The following IGSF21 variants were observed in gnomAD, a reference collection of about 807,000 sequenced individuals.
IGSF21 encodes the protein immunoglobin superfamily member 21, also known as immunoglobulin superfamily member 21.
IGSF21 carries 28 observed loss-of-function variants against 46.8 expected under a neutral mutation model. The observed-to-expected ratio is 0.60, with a 90% CI of 0.44 to 0.82. The LOEUF (loss-of-function observed/expected upper bound fraction) is 0.82, where lower values mean the gene tolerates loss of function less well. Among genes scored for constraint, IGSF21 ranks in the 40% least tolerant of loss-of-function variants. IGSF21 has a pLI of 0.00. For missense variants in IGSF21, 624 were observed against 665.5 expected, an observed-to-expected ratio of 0.94 and a Z score of 0.69; for synonymous variants, 284 against 273.6, an observed-to-expected ratio of 1.04 and a Z score of -0.38.
intron 3 of IGSF21, among the ~76,000 whole-genome samples, chr1:18,324,599 C>T (rs1181334653): frequency 6.6e-6 from 1 of 152,188 alleles, no homozygotes; most frequent in East Asian, 1.9e-4. Context: ...CTGGACAAAC[C>T]AGGACTAGCT....
chr1:18,265,855 C>A (rs1053287017), intron 2 of IGSF21, among the ~76,000 whole-genome samples: 1 of 152,242 alleles, frequency 6.6e-6, no homozygotes, highest in Non-Finnish European at 1.5e-5. Context: ...GGGCAAGGTG[C>A]AGCCAATGGG....
intron 1 of IGSF21, among the ~76,000 whole-genome samples, chr1:18,197,130 A>G (rs1195691725): frequency 6.6e-6 from 1 of 152,192 alleles, no homozygotes; most frequent in Admixed American, 6.5e-5. Flanking sequence ...AGAGCATACA[A>G]ATCACTCAGC....
At chr1:18,340,498 G>A (rs1284630053) in intron 4 of IGSF21, among the ~76,000 whole-genome samples, 1 of 152,236 alleles carries the variant, frequency 6.6e-6, no homozygotes, top group Non-Finnish European at 1.5e-5. Context: ...TCTAGGTGCT[G>A]TGGATACACT....
At chr1:18,330,285 G>C (rs1371420630) in intron 3 of IGSF21, among the ~76,000 whole-genome samples, 1 of 152,182 alleles carries the variant, frequency 6.6e-6, no homozygotes, top group Non-Finnish European at 1.5e-5. Context: ...GCAGCTGTTT[G>C]GTCTGCCAAT....
rs903347334 is a variant in IGSF21 at position 18,290,166 on chromosome 1, G to C, written c.184-1700G>C. On this transcript the variant is annotated intron_variant, in intron 2 of 9. Coordinates refer to ENST00000251296, the MANE Select transcript of IGSF21 (RefSeq NM_032880.5). The surrounding 1 kb of genome is among the most constrained non-coding windows in gnomAD (Gnocchi z 4.2). ...GCCAGCAGGGATCCCAAGAGGAGAG[G>C]AGAATCCTCCTGTCCCCGTCCTCCT... Among the ~76,000 whole-genome samples the C allele has an allele frequency of 2.0e-5, 3 of 152,178 alleles. No individual in the cohort carries two copies. Among genetic ancestry groups the C allele is most frequent in the African/African-American group, 7.2e-5 (3 of 41,432 alleles).
intron 2 of IGSF21, among the ~76,000 whole-genome samples, chr1:18,239,209 G>A (rs139733501): frequency 5.3e-5 from 8 of 152,102 alleles, no homozygotes; most frequent in East Asian, 3.9e-4. Flanking sequence ...TTAACTTGTC[G>A]GAAAAGGATT....
intron 1 of IGSF21, among the ~76,000 whole-genome samples, chr1:18,133,153 G>A (rs937626238): frequency 6.6e-6 from 1 of 152,222 alleles, no homozygotes; most frequent in Non-Finnish European, 1.5e-5. Flanking sequence ...AGAGGGAGGG[G>A]GAAGGGAAAG....
chr1:18,139,607 G>A (rs1018740381), intron 1 of IGSF21, among the ~76,000 whole-genome samples: 15 of 152,232 alleles, frequency 9.9e-5, no homozygotes, highest in African/African-American at 3.6e-4. Context: ...ATGGTCAAAG[G>A]CTCTGGGACA....
chr1:18,185,941 T>A (rs1326342808), intron 1 of IGSF21, among the ~76,000 whole-genome samples: 1 of 152,146 alleles, frequency 6.6e-6, no homozygotes, highest in Non-Finnish European at 1.5e-5. Flanking sequence ...CTGGTCCTTG[T>A]CTCCCAGGAG....
At chr1:18,221,040 C>T (rs1570351944) in intron 1 of IGSF21, among the ~76,000 whole-genome samples, 1 of 151,672 alleles carries the variant, frequency 6.6e-6, no homozygotes, top group East Asian at 1.9e-4. Context: ...GTGCAGGAAG[C>T]CCATGTTGCA....
intron 3 of IGSF21, among the ~76,000 whole-genome samples, chr1:18,320,655 C>T (rs938731968): frequency 6.6e-6 from 1 of 152,224 alleles, no homozygotes; most frequent in African/African-American, 2.4e-5. Context: ...TGCCCCTGGT[C>T]CATCCCAAAA....
intron 3 of IGSF21, among the ~76,000 whole-genome samples, chr1:18,304,664 C>A (rs148914167): frequency 7.6e-4 from 115 of 152,044 alleles, no homozygotes; most frequent in African/African-American, 2.7e-3. Context: ...TCTATGTCTG[C>A]AGTCAGGAAA....
intron 1 of IGSF21, among the ~76,000 whole-genome samples, chr1:18,174,131 G>A (rs943746248): frequency 6.6e-6 from 1 of 152,152 alleles, no homozygotes; most frequent in Non-Finnish European, 1.5e-5. Flanking sequence ...TGGCTTGCGG[G>A]GAATCACACC....
intron 1 of IGSF21, among the ~76,000 whole-genome samples, chr1:18,208,396 T>TATATATATATATATATATATATATATATA (rs397732378): frequency 1.6e-3 from 160 of 102,266 alleles, no homozygotes; most frequent in Non-Finnish European, 2.4e-3. Context: ...TATATATATA[T>TATATATATATATATATATATATATATATA]TTTTTGAGAC....
intron 3 of IGSF21, among the ~76,000 whole-genome samples, chr1:18,297,287 G>C (rs1008738466): frequency 3.9e-5 from 6 of 152,158 alleles, no homozygotes; most frequent in Admixed American, 2.6e-4. Flanking sequence ...TCCTTTCAAT[G>C]CAACACTTGC....
chr1:18,108,221 G>A (rs897295373), intron 1 of IGSF21, 23 bp downstream of exon 1: 7 of 1,345,624 alleles, frequency 5.2e-6, no homozygotes, highest in Non-Finnish European at 6.7e-6. Flanking sequence ...GCGCCTGGCG[G>A]GAGCCGAGCG....
intron 2 of IGSF21, among the ~76,000 whole-genome samples, chr1:18,250,881 A>C (rs1428201177): frequency 6.6e-6 from 1 of 152,194 alleles, no homozygotes; most frequent in East Asian, 1.9e-4. Flanking sequence ...AATTAGCAAG[A>C]AAATATCAGA....
At chr1:18,189,150 G>C (rs1046076911) in intron 1 of IGSF21, among the ~76,000 whole-genome samples, 1 of 152,240 alleles carries the variant, frequency 6.6e-6, no homozygotes, top group Non-Finnish European at 1.5e-5. Context: ...GCCTCATAGC[G>C]GGGTGCCAGC....
intron 1 of IGSF21, among the ~76,000 whole-genome samples, chr1:18,138,086 A>G (rs1348522803): frequency 6.6e-6 from 1 of 151,876 alleles, no homozygotes; most frequent in Non-Finnish European, 1.5e-5. Context: ...CATGCTGGGG[A>G]CACATGCAGC....
Sources: gnomAD v4.1 joint callset for allele counts (sites outside exome capture counted in the v4.1 genomes callset) on GRCh38, gnomAD v4.1.1 for gene constraint, Gnocchi (gnomAD v3.1) non-coding constraint, MANE v1.5 for transcripts, NCBI Gene and HGNC (gene_info 2026-07-23, HGNC 2026-07-21) for gene names.